ABI2: variants seen among roughly 807,000 people sequenced by gnomAD.
ABI2 encodes abl interactor 2, also known as abelson interactor 2.
ABI2 carries 25 observed loss-of-function variants against 59.2 expected under a neutral mutation model. The observed-to-expected ratio is 0.42, with a 90% confidence interval of 0.31 to 0.59. The LOEUF (loss-of-function observed/expected upper bound fraction) is 0.59. Ranked by LOEUF, ABI2 falls within the 20% of genes least tolerant of loss-of-function variation. The probability of loss-of-function intolerance (pLI) is 0.14; values close to 1 mark genes in which losing one functional copy is unlikely to be tolerated. For synonymous variants in ABI2, 213 were observed against 235.5 expected (o/e 0.90, Z 0.87); for missense variants, 545 against 681.8 (o/e 0.80, Z 2.23).
chr2:203,388,358 C>A (rs943545853), intron 4 of ABI2, among the ~76,000 whole-genome samples: 8 of 152,084 alleles, frequency 5.3e-5, no homozygotes, highest in Non-Finnish European at 1.2e-4. Context: ...TTTGATGATT[C>A]TACAGATCAT....
chr2:203,369,154 A>G (rs2094856641), intron 2 of ABI2, among the ~76,000 whole-genome samples: 1 of 151,838 alleles, frequency 6.6e-6, no homozygotes, highest in Non-Finnish European at 1.5e-5. Flanking sequence ...TTTTCTGTAG[A>G]AGGAGGGAGG....
chr2:203,382,280 T>A lies in ABI2; in HGVS notation c.480+74T>A, dbSNP rs148326389. 1,006 of 1,257,528 alleles carry A rather than the reference T, an allele frequency of 8.0e-4. 7 individuals carry two copies. In the African/African-American group the frequency reaches 0.011, roughly 14 times the overall value. The allele number at this position is 1,257,528 out of a possible 1,614,324, so 77.9% of individuals were successfully genotyped here. A position where few individuals can be genotyped will look rare whatever the true frequency, so the allele number is the denominator to read the frequency against. On this transcript the variant is annotated intron_variant, in intron 4 of 11. Coordinates refer to ENST00000261018, the MANE Select transcript of ABI2 (RefSeq NM_001375670.1). ...ATTACATATGGGGAGTTAAAGAGAT[T>A]GTTAACTCTTGGCCTTTTAAAACCC...
chr2:203,382,017 CA>C (rs1451033184), intron 3 of ABI2, among the ~76,000 whole-genome samples, 171 bp from the exon 4 acceptor site: 1 of 152,150 alleles, frequency 6.6e-6, no homozygotes, highest in African/African-American at 2.4e-5. Context: ...CTGTTCATGA[CA>C]CATTCTGCTT....
intron 6 of ABI2, 34 bp downstream of exon 6, chr2:203,394,880 T>G (rs2096910007): frequency 6.2e-6 from 10 of 1,608,262 alleles, no homozygotes; most frequent in Non-Finnish European, 8.5e-6. Context: ...AATGTGATGG[T>G]CATAGTACCA....
chr2:203,388,805 A>T (rs1212911194), intron 4 of ABI2, among the ~76,000 whole-genome samples: 1 of 152,192 alleles, frequency 6.6e-6, no homozygotes, highest in Non-Finnish European at 1.5e-5. Flanking sequence ...TGCAATTTAA[A>T]CAAAAACACC....
chr2:203,335,856 T>C (rs559277745), intron 1 of ABI2, among the ~76,000 whole-genome samples: 1 of 152,218 alleles, frequency 6.6e-6, no homozygotes, highest in African/African-American at 2.4e-5. Context: ...CAAGTCACCC[T>C]TTTTAGGTGT....
Position 203,335,149 on chromosome 2 carries a change from G to A in ABI2, c.117+6518G>A, listed in dbSNP as rs541303267. 3.3e-5 allele frequency among the ~76,000 whole-genome samples: 5 copies of A among 152,256 alleles called. No individual in the cohort carries two copies. In the South Asian group the frequency reaches 8.3e-4, roughly 25 times the overall value. ...AAATTTCTATATTTTCCCATTAGCC[G>A]TAGGATGTTCTCCATATACTAGCCA... is the stretch of plus-strand genomic sequence containing the variant. On this transcript the variant is annotated intron_variant, in intron 1 of 11. Coordinates refer to ENST00000261018, the MANE Select transcript of ABI2 (RefSeq NM_001375670.1).
intron 4 of ABI2, among the ~76,000 whole-genome samples, chr2:203,387,038 T>C (rs943711996): frequency 9.4e-5 from 14 of 148,938 alleles, no homozygotes; most frequent in South Asian, 8.5e-4. Context: ...TCCTTTTTTT[T>C]CCCCGCAGGC....
chr2:203,338,965 T>TATATATATATAA (rs1559154437), intron 1 of ABI2, among the ~76,000 whole-genome samples: 2 of 9,478 alleles, frequency 2.1e-4, no homozygotes, highest in African/African-American at 5.4e-4. Context: ...TATATATAAA[T>TATATATATATAA]ATATATATAT....
chr2:203,390,369 C>G (rs187170691), intron 4 of ABI2, among the ~76,000 whole-genome samples: 5 of 152,306 alleles, frequency 3.3e-5, no homozygotes, highest in African/African-American at 1.2e-4. Context: ...CAGTGGCTCA[C>G]GCCTGTAATC....
At chr2:203,335,797 C>T (rs2076194034) in intron 1 of ABI2, among the ~76,000 whole-genome samples, 2 of 152,082 alleles carry the variant, frequency 1.3e-5, no homozygotes, top group South Asian at 4.1e-4. Flanking sequence ...AATTTTTTCT[C>T]ATTTGATTTT....
intron 1 of ABI2, among the ~76,000 whole-genome samples, chr2:203,361,128 A>G (rs1016953743): frequency 1.3e-5 from 2 of 152,142 alleles, no homozygotes; most frequent in African/African-American, 4.8e-5. Context: ...TTGAAATAAA[A>G]TTTTCCATTA....
At chr2:203,343,324 A>G (rs961591652) in intron 1 of ABI2, among the ~76,000 whole-genome samples, 1 of 152,244 alleles carries the variant, frequency 6.6e-6, no homozygotes, top group Non-Finnish European at 1.5e-5. Context: ...AGATTGCGGC[A>G]CTGCACTCTA....
intron 1 of ABI2, among the ~76,000 whole-genome samples, chr2:203,333,822 C>G (rs2075128509): frequency 6.6e-6 from 1 of 152,154 alleles, no homozygotes; most frequent in Non-Finnish European, 1.5e-5. Context: ...GTTATTGATC[C>G]AGGAAATCCA....
chr2:203,334,668 ATTTTTTT>A (rs11390894), intron 1 of ABI2, among the ~76,000 whole-genome samples: 1 of 146,772 alleles, frequency 6.8e-6, no homozygotes. Context: ...CTAGTTGTAG[ATTTTTTT>A]TTTTTTTGAG....
intron 1 of ABI2, among the ~76,000 whole-genome samples, chr2:203,356,577 C>T (rs2092092316): frequency 6.6e-6 from 1 of 152,058 alleles, no homozygotes. Flanking sequence ...ACCATGTTAC[C>T]CAGGCTGGTC....
At chr2:203,372,385 CCT>C (rs1313643560) in intron 2 of ABI2, among the ~76,000 whole-genome samples, 1 of 152,256 alleles carries the variant, frequency 6.6e-6, no homozygotes, top group African/African-American at 2.4e-5. Context: ...ACCTTTCCCC[CCT>C]TTCTATTCCA....
At chr2:203,332,452 G>A (rs939817988) in intron 1 of ABI2, among the ~76,000 whole-genome samples, 9 of 151,902 alleles carry the variant, frequency 5.9e-5, no homozygotes, top group African/African-American at 1.9e-4. Context: ...TGGTGAAACC[G>A]CGTATCTACT....
At chr2:203,357,999 C>T (rs1027908179) in intron 1 of ABI2, among the ~76,000 whole-genome samples, 1 of 151,618 alleles carries the variant, frequency 6.6e-6, no homozygotes, top group African/African-American at 2.4e-5. Context: ...AACTCCTGAC[C>T]TCCTGTGATC....
Sources: gnomAD v4.1 joint callset for allele counts (sites outside exome capture counted in the v4.1 genomes callset) on GRCh38, gnomAD v4.1.1 for gene constraint, MANE v1.5 for transcripts, NCBI Gene and HGNC (gene_info 2026-07-23, HGNC 2026-07-21) for gene names.